Variants in SEMA3C observed in about 807,000 individuals in gnomAD.
SEMA3C encodes the protein semaphorin-3C.
In SEMA3C, 47 loss-of-function variants were observed where a neutral mutation model predicts 89.4. The observed-to-expected ratio is 0.53, with a 90% CI of 0.42 to 0.67. SEMA3C has a LOEUF of 0.67. SEMA3C is among the 30% of genes least tolerant of loss of function. SEMA3C has a pLI of 0.00. For synonymous variants in SEMA3C, 310 were observed against 320.2 expected (o/e 0.97, Z 0.34); for missense variants, 839 against 929.1 (o/e 0.90, Z 1.26).
In SEMA3C at chr7:80,789,356, T is replaced by C; in HGVS notation, c.1304A>G (p.Asp435Gly). 1 of 1,614,102 alleles carries C rather than the reference T, an allele frequency of 6.2e-7. No homozygotes were observed. ...TDYKYTKIAV[D>G]RVNAADGRYH... ...TCTCCCATCAGCAGCGTTCACTCGA[T>C]CCACAGCTATCTTTGTATACTTGTA... Residue 435 changes from aspartate (D) to glycine (G), a missense_variant, in exon 12 of 18, where the codon GAT becomes GGT. Asp to Gly is a moderately conservative substitution (Grantham distance 94). Coordinates refer to ENST00000265361, the MANE Select transcript of SEMA3C (RefSeq NM_006379.5).
chr7:80,902,755 C>A (rs544140839), intron 2 of SEMA3C, among the ~76,000 whole-genome samples: 1 of 152,192 alleles, frequency 6.6e-6, no homozygotes. Context: ...GAAGTTTCCA[C>A]TATTCCTCAA....
intron 15 of SEMA3C, 34 bp downstream of exon 15, chr7:80,758,297 C>T (rs1788108946): frequency 6.3e-7 from 1 of 1,594,126 alleles, no homozygotes; most frequent in African/African-American, 1.4e-5. Context: ...TGGTGTCCTA[C>T]ATTTGGATGT....
At chr7:80,863,913 C>T (rs1358823740) in intron 2 of SEMA3C, among the ~76,000 whole-genome samples, 5 of 118,062 alleles carry the variant, frequency 4.2e-5, no homozygotes, top group Non-Finnish European at 6.6e-5. Context: ...ACATATATAT[C>T]ACATATATAT....
At chr7:80,849,723 C>T (rs561193539) in intron 2 of SEMA3C, among the ~76,000 whole-genome samples, 21 of 152,128 alleles carry the variant, frequency 1.4e-4, no homozygotes, top group Non-Finnish European at 5.9e-5. Context: ...AGGAGACAAT[C>T]TTTGTGGTCT....
At chr7:80,785,558 C>T (rs769321748) in intron 12 of SEMA3C, among the ~76,000 whole-genome samples, 4 of 152,174 alleles carry the variant, frequency 2.6e-5, no homozygotes, top group Non-Finnish European at 4.4e-5. Flanking sequence ...GGGACAATGA[C>T]CTGTGATTCT....
intron 2 of SEMA3C, among the ~76,000 whole-genome samples, chr7:80,866,505 A>T (rs1264542882): frequency 4.6e-5 from 7 of 152,156 alleles, no homozygotes; most frequent in African/African-American, 1.7e-4. Flanking sequence ...AATAAAAAAT[A>T]AAAAAAAGAA....
chr7:80,774,694 T>C (rs556039459), intron 12 of SEMA3C, among the ~76,000 whole-genome samples: 2 of 152,142 alleles, frequency 1.3e-5, no homozygotes, highest in South Asian at 2.1e-4. Flanking sequence ...GGGAAAAAGA[T>C]TGAAGAAGGT....
chr7:80,785,198 C>A (rs1788774667), intron 12 of SEMA3C, among the ~76,000 whole-genome samples: 2 of 152,240 alleles, frequency 1.3e-5, no homozygotes, highest in Admixed American at 1.3e-4. Flanking sequence ...AGTTACCAGG[C>A]ACGGAGCCCA....
At chr7:80,792,932 A>C (rs1788978126) in intron 11 of SEMA3C, among the ~76,000 whole-genome samples, 1 of 152,220 alleles carries the variant, frequency 6.6e-6, no homozygotes, top group Admixed American at 6.5e-5. Flanking sequence ...AGATGTGATT[A>C]ACTTTTCTCT....
Position 80,780,721 on chromosome 7 carries a change from T to C in SEMA3C, c.1354+8585A>G, listed in dbSNP as rs537865846. On this transcript the variant is annotated intron_variant, in intron 12 of 17. Transcript: ENST00000265361. ...CAACGTGCAGAAACCCCATCTCTACTAAAAATAGAAAAATTAGCCAGGCGC... is the reference window on the plus strand; with the variant it reads ...CAACGTGCAGAAACCCCATCTCTACCAAAAATAGAAAAATTAGCCAGGCGC... Among the ~76,000 whole-genome samples the C allele has an allele frequency of 3.3e-5, 5 of 152,064 alleles. No homozygotes were observed. The East Asian group carries it at 7.8e-4, about 24-fold the overall frequency.
intron 2 of SEMA3C, among the ~76,000 whole-genome samples, chr7:80,829,101 A>C (rs1789950367): frequency 1.3e-5 from 2 of 152,058 alleles, no homozygotes; most frequent in South Asian, 4.1e-4. Flanking sequence ...TAGGAAATTG[A>C]GGTTACAGTG....
chr7:80,805,539 C>T, intron 7 of SEMA3C, 100 bp downstream of exon 7: 1 of 967,676 alleles, frequency 1.0e-6, no homozygotes, highest in Non-Finnish European at 1.5e-6. Flanking sequence ...TAATAGCCTG[C>T]TATTTTAGTT....
At chr7:80,885,374 T>A (rs1791450680) in intron 2 of SEMA3C, among the ~76,000 whole-genome samples, 1 of 152,144 alleles carries the variant, frequency 6.6e-6, no homozygotes, top group Non-Finnish European at 1.5e-5. Context: ...CCTAGCACTT[T>A]GGGAGGCTGA....
chr7:80,813,776 T>C (rs944085201), intron 5 of SEMA3C, among the ~76,000 whole-genome samples: 6 of 152,190 alleles, frequency 3.9e-5, no homozygotes, highest in African/African-American at 1.4e-4. Context: ...ATTCTCCTTA[T>C]AAACCACACT....
At chr7:80,808,067 C>T (rs935020750) in intron 6 of SEMA3C, among the ~76,000 whole-genome samples, 1 of 152,112 alleles carries the variant, frequency 6.6e-6, no homozygotes, top group African/African-American at 2.4e-5. Context: ...GAATTCAACT[C>T]TCAGGTCCTT....
intron 15 of SEMA3C, 82 bp downstream of exon 15, chr7:80,758,249 G>T (rs1788107677): frequency 4.9e-6 from 7 of 1,430,772 alleles, no homozygotes; most frequent in Non-Finnish European, 6.7e-6. Context: ...AACAGCAATA[G>T]AACTAATTCT....
chr7:80,852,305 T>A (rs567965527), intron 2 of SEMA3C, among the ~76,000 whole-genome samples: 101 of 152,316 alleles, frequency 6.6e-4, no homozygotes, highest in Non-Finnish European at 1.3e-3. Flanking sequence ...TAGTTTGAAA[T>A]GCATGGTTAT....
intron 12 of SEMA3C, among the ~76,000 whole-genome samples, chr7:80,770,917 A>G (rs1367941189): frequency 3.3e-5 from 5 of 152,242 alleles, no homozygotes; most frequent in Admixed American, 3.3e-4. Context: ...CCATTTGAGA[A>G]CAAGCAATGC....
intron 2 of SEMA3C, among the ~76,000 whole-genome samples, chr7:80,855,408 C>A (rs763237343): frequency 5.9e-5 from 9 of 152,052 alleles, no homozygotes; most frequent in Middle Eastern, 3.2e-3. Flanking sequence ...GTAGCCAGGA[C>A]TACAGGTGAG....
Sources: gnomAD v4.1 joint callset for allele counts (sites outside exome capture counted in the v4.1 genomes callset) on GRCh38, gnomAD v4.1.1 for gene constraint, MANE v1.5 for transcripts, NCBI Gene and HGNC (gene_info 2026-07-23, HGNC 2026-07-21) for gene names.